The following SMIM21 variants were observed in gnomAD, a reference collection of about 807,000 sequenced individuals.
SMIM21 encodes the protein small integral membrane protein 21.
A neutral mutation model predicts 8.6 loss-of-function variants in SMIM21; 8 were observed. That is an observed-to-expected ratio of 0.93 (90% CI 0.55 to 1.68). SMIM21 has a LOEUF of 1.68. Among genes scored for constraint, SMIM21 ranks in the 40% most tolerant of loss-of-function variants. SMIM21 has a pLI of 0.00. For synonymous variants in SMIM21, 43 were observed against 41.7 expected, an observed-to-expected ratio of 1.03 and a Z score of -0.12; for missense variants, 132 against 123.0, an observed-to-expected ratio of 1.07 and a Z score of -0.35.
At chr18:75,427,329 G>A (rs1390950831) in intron 1 of SMIM21, 106 bp downstream of exon 1, 2 of 1,261,940 alleles carry the variant, frequency 1.6e-6, no homozygotes, top group African/African-American at 3.0e-5. Context: ...GGATTTGAGA[G>A]ACAGAGCACT....
At chr18:75,421,012 A>G (rs1034599486) in intron 1 of SMIM21, among the ~76,000 whole-genome samples, 2 of 152,184 alleles carry the variant, frequency 1.3e-5, no homozygotes, top group South Asian at 2.1e-4. Context: ...TCTTCTCCTA[A>G]TTAGGATTTC....
chr18:75,411,467 C>G (rs544886874), intron 2 of SMIM21, among the ~76,000 whole-genome samples: 2 of 152,318 alleles, frequency 1.3e-5, no homozygotes, highest in South Asian at 4.1e-4. Flanking sequence ...GAATGATGAT[C>G]CTTGGAAGAT....
In SMIM21 at chr18:75,420,312, G is replaced by A. The variant is rs2024695614; in HGVS notation, c.130-1396C>T. 2.6e-5 allele frequency among the ~76,000 whole-genome samples: 4 copies of A among 152,198 alleles called. No homozygotes were observed. The South Asian group carries it at 8.3e-4, about 32-fold the overall frequency. On this transcript the variant is annotated intron_variant, in intron 1 of 2. Transcript: ENST00000579022. ...AAGGAGAAAGGTGGGACTTCTTAAT[G>A]CTGCTAAAGTCTCTATTCCAGTTAT...
chr18:75,414,804 C>G (rs2024626825), intron 2 of SMIM21, among the ~76,000 whole-genome samples: 1 of 152,128 alleles, frequency 6.6e-6, no homozygotes, highest in South Asian at 2.1e-4. Context: ...GGTTTTGGAC[C>G]CTTTGAACGT....
At chr18:75,419,093 T>C (rs750630481) in intron 1 of SMIM21, 177 bp from the exon 2 acceptor site, 3 of 452,582 alleles carry the variant, frequency 6.6e-6, no homozygotes, top group Non-Finnish European at 3.9e-6. Flanking sequence ...AGTTATAAAA[T>C]TAGTTGGGGA....
intron 2 of SMIM21, among the ~76,000 whole-genome samples, chr18:75,414,122 T>TACACACACACACACACACACATAC (rs150399683): frequency 1.4e-5 from 2 of 145,346 alleles, no homozygotes; most frequent in African/African-American, 2.5e-5. Flanking sequence ...CACACACACA[T>TACACACACACACACACACACATAC]ACACACACAC....
rs1239168399 is a variant in SMIM21, at chr18:75,410,597, G to A, written c.*267C>T. 5 of 712,400 alleles carry A rather than the reference G, an allele frequency of 7.0e-6. No homozygotes were observed. Among genetic ancestry groups the A allele is most frequent in the South Asian group, 6.5e-5 (2 of 30,712 alleles). The allele number at this position is 712,400 out of a possible 1,614,324, so 44.1% of individuals were successfully genotyped here. ...TGCACTGCTGGATCTGTTTCGACAC[G>A]CAGGGCAGATTTCGCAGGGTTGGGT... On this transcript the variant is annotated 3_prime_UTR_variant, in exon 3 of 3. Coordinates refer to ENST00000579022, the MANE Select transcript of SMIM21 (RefSeq NM_001037331.3).
chr18:75,412,217 G>A (rs1247423372), intron 2 of SMIM21, among the ~76,000 whole-genome samples: 1 of 152,138 alleles, frequency 6.6e-6, no homozygotes, highest in Non-Finnish European at 1.5e-5. Context: ...AACAAACAAG[G>A]TTTAGATTCT....
chr18:75,412,807 G>A (rs1216105318), intron 2 of SMIM21, among the ~76,000 whole-genome samples: 1 of 151,784 alleles, frequency 6.6e-6, no homozygotes, highest in Non-Finnish European at 1.5e-5. Flanking sequence ...TAAAATACTT[G>A]ATCGAACACA....
intron 2 of SMIM21, among the ~76,000 whole-genome samples, chr18:75,413,493 T>C (rs1173762052): frequency 6.6e-6 from 1 of 152,226 alleles, no homozygotes; most frequent in Non-Finnish European, 1.5e-5. Context: ...TGAACTCTTC[T>C]TTCCAGAGCA....
At chr18:75,423,915 A>T (rs1190464656) in intron 1 of SMIM21, among the ~76,000 whole-genome samples, 6 of 152,182 alleles carry the variant, frequency 3.9e-5, no homozygotes, top group Non-Finnish European at 8.8e-5. Context: ...TTTTAGTGAC[A>T]CGTTTTTGGA....
chr18:75,417,695 G>A (rs540732464), intron 2 of SMIM21: 3 of 152,416 alleles, frequency 2.0e-5, no homozygotes, highest in Admixed American at 1.3e-4. Context: ...GTGCTTCCAG[G>A]CCTGCCCTTC....
At chr18:75,422,671 T>G (rs1056921490) in intron 1 of SMIM21, among the ~76,000 whole-genome samples, 2 of 152,156 alleles carry the variant, frequency 1.3e-5, no homozygotes, top group Non-Finnish European at 2.9e-5. Flanking sequence ...GCAACAAAGA[T>G]GAACTGGAAA....
At chr18:75,414,392 A>C (rs1362687553) in intron 2 of SMIM21, among the ~76,000 whole-genome samples, 2 of 152,046 alleles carry the variant, frequency 1.3e-5, no homozygotes, top group African/African-American at 2.4e-5. Context: ...ATAAAAAATA[A>C]CTCCTGCTCC....
intron 2 of SMIM21, among the ~76,000 whole-genome samples, chr18:75,414,105 A>ATG (rs1555675383): frequency 8.2e-5 from 11 of 133,762 alleles, no homozygotes; most frequent in Admixed American, 1.5e-4. Context: ...ACATACACAC[A>ATG]CACACACACA....
intron 1 of SMIM21, among the ~76,000 whole-genome samples, chr18:75,424,262 C>G (rs8093397): frequency 0.28 from 42,824 of 151,892 alleles, 6,618 homozygotes; most frequent in Middle Eastern, 0.36. Context: ...CATTTTATTA[C>G]GGGTGTCCAC....
intron 1 of SMIM21, among the ~76,000 whole-genome samples, chr18:75,422,138 G>A (rs1323802234): frequency 6.6e-6 from 1 of 152,154 alleles, no homozygotes; most frequent in Admixed American, 6.5e-5. Flanking sequence ...CCAGAATTCA[G>A]CATAAAAACT....
At chr18:75,414,118 C>CAT (rs67417024) in intron 2 of SMIM21, among the ~76,000 whole-genome samples, 37 of 140,206 alleles carry the variant, frequency 2.6e-4, no homozygotes, top group Middle Eastern at 3.8e-3. Flanking sequence ...CACACACACA[C>CAT]ACATACACAC....
Position 75,410,874 on chromosome 18 carries a change from T to G in SMIM21, c.296A>C (p.Glu99Ala). The G allele has an allele frequency of 1.2e-6, 2 of 1,614,156 alleles. No homozygotes were observed. Among genetic ancestry groups the G allele is most frequent in the Non-Finnish European group, 8.5e-7 (1 of 1,180,028 alleles). ...GAAACGTAGTGTCATTTATTCTGCT[T>G]CTGCTGTGTTCCTGGATGACTTCAA... ...LRLKSSRNTAEAE is the reference protein window; with the variant it reads ...LRLKSSRNTAAAE Residue 99 changes from glutamate (E) to alanine (A), a missense_variant, in exon 3 of 3, where the codon GAA (glutamate) becomes GCA (alanine). Physicochemically the swap from Glu to Ala is moderately radical, Grantham distance 107. Transcript: ENST00000579022.
Sources: gnomAD v4.1 joint callset for allele counts (sites outside exome capture counted in the v4.1 genomes callset) on GRCh38, gnomAD v4.1.1 for gene constraint, MANE v1.5 for transcripts, NCBI Gene and HGNC (gene_info 2026-07-23, HGNC 2026-07-21) for gene names.